Variants in GNPNAT1 observed in about 807,000 individuals in gnomAD.
The protein encoded by GNPNAT1 is glucosamine-phosphate N-acetyltransferase 1.
Under a neutral mutation model 19.8 loss-of-function variants are expected in GNPNAT1, and 11 were observed. The ratio of observed to expected loss-of-function variants is 0.56; its 90% CI spans 0.35 to 0.92. The LOEUF is 0.92. Ranked by LOEUF, GNPNAT1 falls within the 40% of genes least tolerant of loss-of-function variation. The pLI is 0.01. For synonymous variants in GNPNAT1, 71 were observed against 72.3 expected, an observed-to-expected ratio of 0.98 and a Z score of 0.09; for missense variants, 157 against 211.0, an observed-to-expected ratio of 0.74 and a Z score of 1.59.
chr14:52,785,896 T>C (rs984250551), intron 1 of GNPNAT1, among the ~76,000 whole-genome samples: 4 of 150,118 alleles, frequency 2.7e-5, no homozygotes, highest in African/African-American at 9.7e-5. Context: ...TACAGGCACC[T>C]GCCACCACGC....
intron 4 of GNPNAT1, 141 bp downstream of exon 4, chr14:52,781,643 C>T: frequency 2.8e-6 from 2 of 721,536 alleles, no homozygotes; most frequent in Admixed American, 6.1e-5. Context: ...CATTTTCTTT[C>T]TTAAAGCTCT....
Position 52,776,619 on chromosome 14 carries a change from G to C in GNPNAT1, c.*1692C>G, listed in dbSNP as rs532100084. On this transcript the variant is annotated 3_prime_UTR_variant, in exon 6 of 6. Coordinates refer to ENST00000216410, the MANE Select transcript of GNPNAT1 (RefSeq NM_198066.4). ...TCGCCAGGCTGGAGTGCAGTGGTGT[G>C]ATCTCAGCTCACTGCAACCTTTGCC... 1 of 152,338 alleles carries C rather than the reference G, an allele frequency of 6.6e-6. No homozygotes were observed. Among genetic ancestry groups the C allele is most frequent in the African/African-American group, 2.4e-5 (1 of 41,540 alleles). The allele number at this position is 152,338 out of a possible 1,614,324, so 9.4% of individuals were successfully genotyped here.
At chr14:52,785,295 A>C (rs190519588) in intron 1 of GNPNAT1, among the ~76,000 whole-genome samples, 44 of 152,312 alleles carry the variant, frequency 2.9e-4, no homozygotes, top group Non-Finnish European at 5.0e-4. Flanking sequence ...CTGACTTTTC[A>C]TGGGCTCTTA....
At chr14:52,786,708 T>C (rs551279680) in intron 1 of GNPNAT1, among the ~76,000 whole-genome samples, 1 of 152,090 alleles carries the variant, frequency 6.6e-6, no homozygotes, top group East Asian at 2.0e-4. Flanking sequence ...ATAGGAAGGA[T>C]GAAAAACAAA....
intron 3 of GNPNAT1, 60 bp downstream of exon 3, chr14:52,783,363 C>G (rs1186477705): frequency 3.4e-6 from 4 of 1,184,726 alleles, no homozygotes; most frequent in Non-Finnish European, 4.9e-6. Context: ...CTGAACAGCT[C>G]TAAACAAAAA....
chr14:52,779,734 A>AAC lies in GNPNAT1; in HGVS notation c.407+944_407+945insGT, dbSNP rs535871824. 2.5e-3 allele frequency among the ~76,000 whole-genome samples: 382 copies of AAC among 150,170 alleles called. 3 individuals carry two copies. Among genetic ancestry groups the AAC allele is most frequent in the Non-Finnish European group, 3.7e-3 (250 of 67,338 alleles). On this transcript the variant is annotated intron_variant, in intron 5 of 5. Coordinates refer to ENST00000216410, the MANE Select transcript of GNPNAT1 (RefSeq NM_198066.4). ...AGAGATCCCATCTCTTAAAAAAAAA[A>AAC]AAAAAAAAAAAAAAAACATAAATTA...
At chr14:52,789,413 A>G (rs1206444285) in intron 1 of GNPNAT1, among the ~76,000 whole-genome samples, 2 of 152,244 alleles carry the variant, frequency 1.3e-5, no homozygotes, top group African/African-American at 4.8e-5. Flanking sequence ...ACATTTGGAA[A>G]ATGGGAATCA....
At chr14:52,786,308 C>T (rs961841673) in intron 1 of GNPNAT1, among the ~76,000 whole-genome samples, 4 of 151,570 alleles carry the variant, frequency 2.6e-5, no homozygotes, top group African/African-American at 7.3e-5. Context: ...AGGTCAAGAC[C>T]GGCCTGACCA....
chr14:52,778,299 C>G lies in GNPNAT1; in HGVS notation c.*12G>C. On this transcript the variant is annotated 3_prime_UTR_variant, in exon 6 of 6. Transcript: ENST00000216410. The stretch of plus-strand genomic sequence containing the variant: ...TAGCATTAGCCCCTTTGACAATTTT[C>G]TTACAAGATTTTTACTTTAGAAACC... The G allele has an allele frequency of 2.5e-6, 4 of 1,571,446 alleles. No homozygotes were observed. Among genetic ancestry groups the G allele is most frequent in the Non-Finnish European group, 3.4e-6 (4 of 1,164,614 alleles).
At chr14:52,778,555 C>T (rs1242607261) in intron 5 of GNPNAT1, 97 bp from the exon 6 acceptor site, 3 of 1,068,672 alleles carry the variant, frequency 2.8e-6, no homozygotes, top group Non-Finnish European at 2.7e-6. Flanking sequence ...ACTTAAGTTT[C>T]CTTAGAAACA....
chr14:52,789,124 C>A (rs1161947244), intron 1 of GNPNAT1, among the ~76,000 whole-genome samples: 1 of 152,192 alleles, frequency 6.6e-6, no homozygotes, highest in Non-Finnish European at 1.5e-5. Flanking sequence ...AATGAGGCAA[C>A]AGGGCCAGCT....
intron 1 of GNPNAT1, among the ~76,000 whole-genome samples, chr14:52,787,214 A>G (rs986057016): frequency 2.0e-5 from 3 of 152,110 alleles, no homozygotes; most frequent in Non-Finnish European, 2.9e-5. Flanking sequence ...AATTTGCCCA[A>G]TAACCTAACC....
chr14:52,791,295 T>G lies in GNPNAT1; in HGVS notation c.-15+133A>C, dbSNP rs1395570321. On this transcript the variant is annotated intron_variant, in intron 1 of 5. Coordinates refer to ENST00000216410, the MANE Select transcript of GNPNAT1 (RefSeq NM_198066.4). The surrounding 1 kb of genome is among the most constrained non-coding windows in gnomAD (Gnocchi z 4.1). ...CAGCTGGCGAGGATTAACGCCCAGC[T>G]CCTCCACACAACACCCCCGGGGGCC... The G allele has an allele frequency of 1.3e-5, 2 of 151,458 alleles. No individual in the cohort carries two copies. Among genetic ancestry groups the G allele is most frequent in the East Asian group, 4.0e-4 (2 of 5,052 alleles). 9.4% of individuals were successfully genotyped at this position (151,458 alleles called of 1,614,324 possible).
intron 1 of GNPNAT1, among the ~76,000 whole-genome samples, chr14:52,789,627 A>G (rs1883107019): frequency 1.3e-5 from 2 of 152,210 alleles, no homozygotes; most frequent in Non-Finnish European, 2.9e-5. Context: ...GTGAAGCAAG[A>G]TATGACTTGA....
At chr14:52,779,736 A>AAC (rs1555361263) in intron 5 of GNPNAT1, among the ~76,000 whole-genome samples, 2 of 150,146 alleles carry the variant, frequency 1.3e-5, no homozygotes, top group African/African-American at 2.4e-5. Context: ...AAAAAAAAAA[A>AAC]AAAAAAAAAA....
At chr14:52,786,120 ATTT>A in intron 1 of GNPNAT1, among the ~76,000 whole-genome samples, 1 of 142,932 alleles carries the variant, frequency 7.0e-6, no homozygotes, top group South Asian at 2.2e-4. Context: ...GCTCAAATTA[ATTT>A]TTTTTTTTGG....
At chr14:52,783,514 C>T (rs201697786) in intron 2 of GNPNAT1, 29 bp from the exon 3 acceptor site, 79 of 1,424,300 alleles carry the variant, frequency 5.5e-5, no homozygotes, top group Admixed American at 4.6e-4. Flanking sequence ...TTTCAAATTA[C>T]GAGAATAGCA....
In GNPNAT1 at chr14:52,778,230, C is replaced by T; in HGVS notation, c.*81G>A. ...TCCAGTATTTATGGAGGTCACTCGG[C>T]TGCAGCAACAAAATATTTCAACTCT... On this transcript the variant is annotated 3_prime_UTR_variant, in exon 6 of 6. Transcript: ENST00000216410. The T allele has an allele frequency of 9.2e-7, 1 of 1,086,764 alleles. No homozygotes were observed. Among genetic ancestry groups the T allele is most frequent in the Non-Finnish European group, 1.3e-6 (1 of 766,444 alleles). 67.3% of individuals were successfully genotyped at this position (1,086,764 alleles called of 1,614,324 possible). A position where few individuals can be genotyped will look rare whatever the true frequency, so the allele number is the denominator to read the frequency against.
Position 52,777,509 on chromosome 14 carries a change from A to G in GNPNAT1, c.*802T>C, listed in dbSNP as rs1265143527. ...TTGAAAAAACTTAGAGGCTTCAGATACCCATGAAAAGAAAAAAATCAGGGT... is the reference window on the plus strand; with the variant it reads ...TTGAAAAAACTTAGAGGCTTCAGATGCCCATGAAAAGAAAAAAATCAGGGT... On this transcript the variant is annotated 3_prime_UTR_variant, in exon 6 of 6. Coordinates refer to ENST00000216410, the MANE Select transcript of GNPNAT1 (RefSeq NM_198066.4). 1 of 152,130 alleles carries G rather than the reference A, an allele frequency of 6.6e-6. No individual in the cohort carries two copies. The highest frequency in any genetic ancestry group is 2.4e-5 in the African/African-American group (1 of 41,434). 9.4% of individuals were successfully genotyped at this position (152,130 alleles called of 1,614,324 possible).
Sources: allele counts gnomAD v4.1 joint callset (sites outside exome capture counted in the v4.1 genomes callset), GRCh38; gene constraint gnomAD v4.1.1; non-coding constraint Gnocchi (gnomAD v3.1); transcripts MANE v1.5; gene names NCBI Gene and HGNC (gene_info 2026-07-23, HGNC 2026-07-21).